KIFC3: variants seen among roughly 807,000 people sequenced by gnomAD.
KIFC3 encodes kinesin-like protein KIFC3.
Under a neutral mutation model 101.8 loss-of-function variants are expected in KIFC3, and 60 were observed. The observed-to-expected ratio is 0.59, with a 90% confidence interval of 0.48 to 0.73. The LOEUF is 0.73. Among genes scored for constraint, KIFC3 ranks in the 30% least tolerant of loss-of-function variants. KIFC3 has a pLI of 0.00. For missense variants in KIFC3, 966 were observed against 1,137.1 expected (o/e 0.85, Z 2.16); for synonymous variants, 476 against 482.7 (o/e 0.99, Z 0.18).
intron 3 of KIFC3, chr16:57,785,711 C>T (rs1436824382): frequency 8.8e-6 from 10 of 1,137,006 alleles, no homozygotes; most frequent in South Asian, 8.0e-5. Context: ...AGAGGTCCCA[C>T]GCTGGCAGAG....
rs146386887 is a variant in KIFC3 at position 57,783,472 on chromosome 16, C to CTTTTT, written c.316-11189_316-11185dup. Among the ~76,000 whole-genome samples the CTTTTT allele has an allele frequency of 7.1e-3, 590 of 82,556 alleles. 9 individuals are homozygous for CTTTTT. Among genetic ancestry groups the CTTTTT allele is most frequent in the Middle Eastern group, 0.043 (6 of 138 alleles). 54.2% of individuals were successfully genotyped at this position (82,556 alleles called of 152,430 possible). ...ATCTCCACAAAGCCCATTTTCTTTT[C>CTTTTT]TTTTTTTTTTTTTTTTTGAGACAGA... On this transcript the variant is annotated intron_variant, in intron 3 of 19. Transcript: ENST00000445690.
chr16:57,761,097 C>A lies in KIFC3; in HGVS notation c.1947G>T (p.Ala649=). The A allele has an allele frequency of 6.2e-7, 1 of 1,613,854 alleles. No homozygotes were observed. The highest frequency in any genetic ancestry group is 8.5e-7 in the Non-Finnish European group (1 of 1,179,966). ...NLNEHSSRSH[A]LLIVTVRGVD... ...CGCCTCGCACCGTCACGATGAGCAG[C>A]GCGTGCGAGCGGGAGCTGTGCTCGT... is the stretch of plus-strand genomic sequence containing the variant. Residue 649 remains alanine, a synonymous_variant, in exon 15 of 20, where the codon GCG becomes GCT. Coordinates refer to ENST00000445690, the MANE Select transcript of KIFC3 (RefSeq NM_001130100.2).
intron 1 of KIFC3, among the ~76,000 whole-genome samples, chr16:57,847,265 A>AGGAAGGGAAG (rs1555482750): frequency 4.3e-4 from 25 of 58,568 alleles, no homozygotes; most frequent in South Asian, 3.7e-3. Flanking sequence ...GAAGGAAGGA[A>AGGAAGGGAAG]GGAAGGGAAG....
chr16:57,825,115 A>G (rs1426815413), intron 1 of KIFC3, among the ~76,000 whole-genome samples: 4 of 152,228 alleles, frequency 2.6e-5, no homozygotes, highest in Non-Finnish European at 5.9e-5. Context: ...CCTAGCAGGT[A>G]GATTGCCCAG....
chr16:57,855,829 C>T (rs1278067555), intron 1 of KIFC3, among the ~76,000 whole-genome samples: 1 of 151,518 alleles, frequency 6.6e-6, no homozygotes, highest in Admixed American at 6.6e-5. Context: ...ACCTATAGTC[C>T]CAGCTACTAG....
chr16:57,788,704 G>A (rs1488254969), intron 3 of KIFC3: 2 of 1,289,460 alleles, frequency 1.6e-6, no homozygotes, highest in Admixed American at 2.3e-5. Context: ...CCCTTGTCCT[G>A]CAGGGCCTGC....
At chr16:57,759,592 G>A in intron 18 of KIFC3, 136 bp downstream of exon 18, 2 of 657,186 alleles carry the variant, frequency 3.0e-6, no homozygotes, top group South Asian at 2.0e-5. Flanking sequence ...GGCAGGGGAG[G>A]TTGTAAAACA....
chr16:57,770,906 T>A (rs1280173565), intron 6 of KIFC3, among the ~76,000 whole-genome samples: 1 of 152,140 alleles, frequency 6.6e-6, no homozygotes, highest in Non-Finnish European at 1.5e-5. Flanking sequence ...GAGGCTACTA[T>A]GAGCCTGGCT....
At chr16:57,760,089 C>T (rs1353955787) in intron 17 of KIFC3, 193 bp downstream of exon 17, 6 of 710,018 alleles carry the variant, frequency 8.5e-6, no homozygotes, top group Non-Finnish European at 1.4e-5. Context: ...CCCACAGGAA[C>T]CTCCGAGGCC....
chr16:57,791,045 C>A, intron 3 of KIFC3: 1 of 346,782 alleles, frequency 2.9e-6, no homozygotes, highest in Non-Finnish European at 4.1e-6. Context: ...AGCAGCATGG[C>A]CAGCATGGTG....
intron 1 of KIFC3, among the ~76,000 whole-genome samples, chr16:57,850,475 T>TTTG: frequency 7.4e-6 from 1 of 135,682 alleles, no homozygotes; most frequent in Non-Finnish European, 1.6e-5. Flanking sequence ...GTTTTTTTTT[T>TTTG]TTTTTTTTTT....
intron 2 of KIFC3, among the ~76,000 whole-genome samples, chr16:57,797,421 A>G (rs1309620785): frequency 1.3e-5 from 2 of 152,174 alleles, no homozygotes; most frequent in African/African-American, 4.8e-5. Flanking sequence ...GAATCAGAGA[A>G]GCCGCTCACT....
intron 3 of KIFC3, among the ~76,000 whole-genome samples, chr16:57,791,298 G>A (rs530502454): frequency 1.3e-5 from 2 of 152,154 alleles, no homozygotes; most frequent in East Asian, 1.9e-4. Flanking sequence ...CCACACCATC[G>A]CGAGCAGGCT....
Position 57,758,334 on chromosome 16 carries a change from G to A in KIFC3, c.*600C>T, listed in dbSNP as rs782600652. 1.1e-3 allele frequency: 284 copies of A among 261,324 alleles called. No homozygotes were observed. Among genetic ancestry groups the A allele is most frequent in the Non-Finnish European group, 2.0e-3 (258 of 132,040 alleles). 16.2% of individuals were successfully genotyped at this position (261,324 alleles called of 1,614,324 possible). ...AGACCAGCGAGCCAGGCAGGTGAGC[G>A]AGCAGCAGAATCCCCCACCCGCTGG... On this transcript the variant is annotated 3_prime_UTR_variant, in exon 20 of 20. Transcript: ENST00000445690.
At position 57,769,236 on chromosome 16, in the gene KIFC3, T is replaced by C. The variant is rs546303010; in HGVS notation, c.1218+359A>G. 6.6e-6 allele frequency among the ~76,000 whole-genome samples: 1 copy of C among 152,230 alleles called. No homozygotes were observed. The highest frequency in any genetic ancestry group is 2.1e-4 in the South Asian group (1 of 4,824). On this transcript the variant is annotated intron_variant, in intron 9 of 19. Transcript: ENST00000445690. This position sits in a 1 kb window ranked among gnomAD's most constrained non-coding sequence, Gnocchi z 4.3. ...ATTTTAGTAGAGACGAAGTTTCGCC[T>C]TGTTGGCCAGGCTGGTCTCAAACTC...
intron 1 of KIFC3, among the ~76,000 whole-genome samples, chr16:57,829,451 T>C (rs1199273157): frequency 6.6e-6 from 1 of 152,134 alleles, no homozygotes; most frequent in African/African-American, 2.4e-5. Context: ...GATGAGGTCT[T>C]GCTATGTTGC....
chr16:57,824,847 A>G (rs1457905765), intron 1 of KIFC3, among the ~76,000 whole-genome samples: 4 of 152,036 alleles, frequency 2.6e-5, no homozygotes, highest in African/African-American at 9.7e-5. Context: ...GTCTCGCTCT[A>G]TTCCTAGGTT....
intron 3 of KIFC3, among the ~76,000 whole-genome samples, chr16:57,789,885 C>T (rs1411385074): frequency 2.0e-5 from 3 of 151,388 alleles, no homozygotes; most frequent in African/African-American, 7.3e-5. Flanking sequence ...TACAGATGTG[C>T]GCCATCACAC....
At chr16:57,832,428 A>G (rs1192719643) in intron 1 of KIFC3, among the ~76,000 whole-genome samples, 4 of 139,306 alleles carry the variant, frequency 2.9e-5, no homozygotes, top group African/African-American at 1.1e-4. Context: ...GGTTCAAGTG[A>G]TTCTCCTGCC....
Sources: gnomAD v4.1 joint callset for allele counts (sites outside exome capture counted in the v4.1 genomes callset) on GRCh38, gnomAD v4.1.1 for gene constraint, Gnocchi (gnomAD v3.1) non-coding constraint, MANE v1.5 for transcripts, NCBI Gene and HGNC (gene_info 2026-07-23, HGNC 2026-07-21) for gene names.